Variants in STAU2 observed in about 807,000 individuals in gnomAD.
The protein encoded by STAU2 is double-stranded RNA-binding protein Staufen homolog 2.
Under a neutral mutation model 65.9 loss-of-function variants are expected in STAU2, and 20 were observed. The observed-to-expected ratio is 0.30, with a 90% CI of 0.21 to 0.44. The LOEUF (loss-of-function observed/expected upper bound fraction) is 0.44. Among genes scored for constraint, STAU2 ranks in the 20% least tolerant of loss-of-function variants. The pLI is 1.00. For synonymous variants in STAU2, 232 were observed against 233.9 expected (o/e 0.99, Z 0.07); for missense variants, 558 against 683.9 (o/e 0.82, Z 2.05).
chr8:73,438,547 A>G (rs1817882752), intron 13 of STAU2, among the ~76,000 whole-genome samples: 1 of 152,214 alleles, frequency 6.6e-6, no homozygotes, highest in African/African-American at 2.4e-5. Flanking sequence ...GGCAGTTTCA[A>G]AGCTGTGGTG....
At chr8:73,690,202 G>T (rs1819228380) in intron 4 of STAU2, among the ~76,000 whole-genome samples, 1 of 151,690 alleles carries the variant, frequency 6.6e-6, no homozygotes, top group South Asian at 2.1e-4. Context: ...GGTGGCGGGT[G>T]CCTGTAGTCC....
At chr8:73,656,828 C>T (rs914868517) in intron 6 of STAU2, among the ~76,000 whole-genome samples, 1 of 152,114 alleles carries the variant, frequency 6.6e-6, no homozygotes, top group Non-Finnish European at 1.5e-5. Context: ...AAATTTGTCT[C>T]ATAAAACAAG....
At chr8:73,664,072 G>C (rs544471038) in intron 6 of STAU2, among the ~76,000 whole-genome samples, 69 of 151,894 alleles carry the variant, frequency 4.5e-4, no homozygotes, top group African/African-American at 1.7e-3. Flanking sequence ...TTGTTTTTTT[G>C]AGGTGGGGTC....
At chr8:73,551,415 G>A (rs1563416179) in intron 13 of STAU2, 1 of 986,924 alleles carries the variant, frequency 1.0e-6, no homozygotes, top group Non-Finnish European at 1.2e-6. Flanking sequence ...TTCAAAACAT[G>A]ATCCAGTAAA....
chr8:73,490,517 T>G (rs760604178), intron 13 of STAU2, among the ~76,000 whole-genome samples: 1 of 152,032 alleles, frequency 6.6e-6, no homozygotes, highest in Non-Finnish European at 1.5e-5. Flanking sequence ...TAAAAGGGAC[T>G]TAGCTCAATC....
rs549817729 is a variant in STAU2, at chr8:73,607,474, A to C, written c.892-3611T>G. Reference sequence around the variant, plus strand: ...GCCGGGCGTGATGGCTCATGCCTGTAATCTCAGCACTTTGGGAGGCCGAGG... The same window carrying C: ...GCCGGGCGTGATGGCTCATGCCTGTCATCTCAGCACTTTGGGAGGCCGAGG... On this transcript the variant is annotated intron_variant, in intron 9 of 14. Coordinates refer to ENST00000524300, the MANE Select transcript of STAU2 (RefSeq NM_001164380.2). Among the ~76,000 whole-genome samples, 418 of 152,228 alleles carry C rather than the reference A, an allele frequency of 2.7e-3. 4 individuals carry two copies. Among genetic ancestry groups the C allele is most frequent in the Admixed American group, 2.6e-3 (40 of 15,288 alleles).
chr8:73,514,825 A>T (rs939574655), intron 13 of STAU2, among the ~76,000 whole-genome samples: 2 of 152,038 alleles, frequency 1.3e-5, no homozygotes, highest in Non-Finnish European at 2.9e-5. Flanking sequence ...ACAGTTTTAG[A>T]TTCACAGAAA....
chr8:73,438,287 T>C (rs1817864561), intron 13 of STAU2, among the ~76,000 whole-genome samples: 1 of 152,156 alleles, frequency 6.6e-6, no homozygotes, highest in African/African-American at 2.4e-5. Flanking sequence ...CAGACAGTCA[T>C]CACCTTTCCA....
chr8:73,731,512 TCA>T (rs1806068640), intron 3 of STAU2, among the ~76,000 whole-genome samples: 1 of 152,226 alleles, frequency 6.6e-6, no homozygotes, highest in South Asian at 2.1e-4. Context: ...CTCTCAGGGA[TCA>T]CAGTCTGGTG....
intron 10 of STAU2, among the ~76,000 whole-genome samples, chr8:73,601,790 C>T (rs542960325): frequency 6.6e-6 from 1 of 152,246 alleles, no homozygotes; most frequent in South Asian, 2.1e-4. Flanking sequence ...AAAAGGGGTA[C>T]TCAATATACT....
intron 13 of STAU2, among the ~76,000 whole-genome samples, chr8:73,512,660 T>G (rs369336076): frequency 6.6e-6 from 1 of 152,072 alleles, no homozygotes; most frequent in Admixed American, 6.5e-5. Flanking sequence ...TGTATGTGTG[T>G]GGGGGGTGGG....
intron 4 of STAU2, among the ~76,000 whole-genome samples, chr8:73,706,986 A>G (rs1820549547): frequency 6.6e-6 from 1 of 152,238 alleles, no homozygotes; most frequent in South Asian, 2.1e-4. Flanking sequence ...AGGTAGGCTG[A>G]CCTTCCTTTA....
intron 9 of STAU2, 127 bp downstream of exon 9, chr8:73,613,617 C>A: frequency 3.2e-6 from 2 of 621,360 alleles, no homozygotes; most frequent in Admixed American, 3.5e-5. Flanking sequence ...GTCACATGTC[C>A]TGCCCTCATT....
chr8:73,745,458 T>A (rs968753007), intron 1 of STAU2, among the ~76,000 whole-genome samples: 8 of 152,296 alleles, frequency 5.3e-5, no homozygotes, highest in African/African-American at 1.7e-4. Flanking sequence ...TCCTCCAAGG[T>A]TACTATCACC....
intron 13 of STAU2, among the ~76,000 whole-genome samples, chr8:73,522,505 T>C (rs1823093297): frequency 6.6e-6 from 1 of 152,184 alleles, no homozygotes; most frequent in Non-Finnish European, 1.5e-5. Flanking sequence ...AAGTTCAAAA[T>C]TTCATAAGAC....
chr8:73,651,204 G>A lies in STAU2; in HGVS notation c.410+21903C>T. The A allele has an allele frequency of 3.3e-6, 3 of 911,272 alleles. No individual in the cohort carries two copies. The South Asian group carries it at 4.3e-5, about 13-fold the overall frequency. The allele number at this position is 911,272 out of a possible 1,614,324, so 56.4% of individuals were successfully genotyped here. A position where few individuals can be genotyped will look rare whatever the true frequency, so the allele number is the denominator to read the frequency against. Reference sequence around the variant, plus strand: ...AGCCCCCTCAGGCCGTCAGCATCAAGGAGGCTAGGTCCTCAAATCTGCCTC... The same window carrying A: ...AGCCCCCTCAGGCCGTCAGCATCAAAGAGGCTAGGTCCTCAAATCTGCCTC... On this transcript the variant is annotated intron_variant, in intron 6 of 14. Coordinates refer to ENST00000524300, the MANE Select transcript of STAU2 (RefSeq NM_001164380.2).
intron 3 of STAU2, among the ~76,000 whole-genome samples, chr8:73,727,455 T>A (rs1378421928): frequency 6.6e-6 from 1 of 152,232 alleles, no homozygotes; most frequent in Admixed American, 6.5e-5. Context: ...ATATTTCACA[T>A]AAATGGAATC....
At chr8:73,725,544 C>T (rs1363119508) in intron 3 of STAU2, among the ~76,000 whole-genome samples, 1 of 152,216 alleles carries the variant, frequency 6.6e-6, no homozygotes, top group African/African-American at 2.4e-5. Flanking sequence ...CACCTGTAAT[C>T]CCAACACTTT....
At chr8:73,661,100 C>T (rs1050312696) in intron 6 of STAU2, among the ~76,000 whole-genome samples, 1 of 152,148 alleles carries the variant, frequency 6.6e-6, no homozygotes, top group Non-Finnish European at 1.5e-5. Context: ...TATTTATTCT[C>T]CTAACTTACA....
Sources: allele counts gnomAD v4.1 joint callset (sites outside exome capture counted in the v4.1 genomes callset), GRCh38; gene constraint gnomAD v4.1.1; transcripts MANE v1.5; gene names NCBI Gene and HGNC (gene_info 2026-07-23, HGNC 2026-07-21).